The following PLCB1 variants were observed in gnomAD, a reference collection of about 807,000 sequenced individuals.
PLCB1 encodes 1-phosphatidylinositol 4,5-bisphosphate phosphodiesterase beta-1.
Under a neutral mutation model 161.8 loss-of-function variants are expected in PLCB1, and 46 were observed. The ratio of observed to expected loss-of-function variants is 0.28; its 90% CI spans 0.22 to 0.36. The LOEUF (loss-of-function observed/expected upper bound fraction) is 0.36, where lower values mean the gene tolerates loss of function less well. PLCB1 is among the 10% of genes least tolerant of loss of function. PLCB1 has a pLI of 1.00. For synonymous variants in PLCB1, 517 were observed against 503.7 expected (o/e 1.03, Z -0.35); for missense variants, 1,016 against 1,472.5 (o/e 0.69, Z 5.07).
rs574338319 is a variant in PLCB1 at position 8,607,254 on chromosome 20, A to C, written c.247-21040A>C. Among the ~76,000 whole-genome samples the C allele has an allele frequency of 9.8e-5, 15 of 152,346 alleles. No individual in the cohort carries two copies. The South Asian group carries it at 3.1e-3, about 32-fold the overall frequency. ...AACCTCCATGAAATAGACTCAGTTGAAATAGCATCTTAATTGGCTTCCTGC... is the reference window on the plus strand; with the variant it reads ...AACCTCCATGAAATAGACTCAGTTGCAATAGCATCTTAATTGGCTTCCTGC... On this transcript the variant is annotated intron_variant, in intron 3 of 31. Coordinates refer to ENST00000338037, the MANE Select transcript of PLCB1 (RefSeq NM_015192.4).
intron 3 of PLCB1, among the ~76,000 whole-genome samples, chr20:8,382,283 C>CTTTTTTTT (rs71331303): frequency 1.5e-5 from 2 of 130,556 alleles, no homozygotes; most frequent in Admixed American, 7.8e-5. Context: ...GTTTCTTTTT[C>CTTTTTTTT]TTTTTTTTTT....
intron 3 of PLCB1, among the ~76,000 whole-genome samples, chr20:8,600,543 C>T (rs1356095546): frequency 6.6e-6 from 1 of 151,038 alleles, no homozygotes; most frequent in African/African-American, 2.4e-5. Flanking sequence ...GAGGTTACTG[C>T]TGTCTTTTTG....
intron 3 of PLCB1, among the ~76,000 whole-genome samples, chr20:8,473,849 G>T (rs57592162): frequency 2.6e-5 from 4 of 152,194 alleles, no homozygotes; most frequent in Non-Finnish European, 4.4e-5. Flanking sequence ...AAAACCTGAT[G>T]CAGAACCTTA....
intron 3 of PLCB1, among the ~76,000 whole-genome samples, chr20:8,528,284 T>C (rs1490855757): frequency 1.3e-5 from 2 of 151,954 alleles, no homozygotes; most frequent in African/African-American, 4.8e-5. Context: ...AGCCAAAAAC[T>C]GAAAGCAATC....
intron 9 of PLCB1, among the ~76,000 whole-genome samples, chr20:8,664,550 A>G (rs1029215873): frequency 1.3e-5 from 2 of 152,156 alleles, no homozygotes; most frequent in Admixed American, 6.6e-5. Context: ...TGAGAGTGAT[A>G]GAAAGAGACT....
At chr20:8,301,691 C>G (rs1983920995) in intron 2 of PLCB1, among the ~76,000 whole-genome samples, 1 of 152,210 alleles carries the variant, frequency 6.6e-6, no homozygotes. Flanking sequence ...ACAGCCCAGG[C>G]TCTACTCAAC....
At chr20:8,140,892 C>T (rs879541451) in intron 1 of PLCB1, among the ~76,000 whole-genome samples, 12 of 151,972 alleles carry the variant, frequency 7.9e-5, no homozygotes, top group East Asian at 1.9e-4. Flanking sequence ...TCTGCCTCCC[C>T]GGTTCAAGCG....
intron 2 of PLCB1, among the ~76,000 whole-genome samples, chr20:8,234,602 A>C (rs1980227470): frequency 1.3e-5 from 2 of 152,164 alleles, no homozygotes; most frequent in South Asian, 4.1e-4. Context: ...ATAATATTTC[A>C]GAATGCTACC....
At chr20:8,501,415 A>G (rs1983398250) in intron 3 of PLCB1, among the ~76,000 whole-genome samples, 1 of 152,254 alleles carries the variant, frequency 6.6e-6, no homozygotes, top group Admixed American at 6.5e-5. Context: ...ACAAAGACAC[A>G]GTCTGCCCTT....
intron 3 of PLCB1, among the ~76,000 whole-genome samples, chr20:8,535,806 C>G (rs1985027112): frequency 6.6e-6 from 1 of 152,080 alleles, no homozygotes; most frequent in Admixed American, 6.6e-5. Flanking sequence ...GATGCTATTT[C>G]ATATATACAT....
chr20:8,683,031 A>G (rs1990259645), intron 9 of PLCB1, among the ~76,000 whole-genome samples: 1 of 152,146 alleles, frequency 6.6e-6, no homozygotes, highest in Non-Finnish European at 1.5e-5. Context: ...ATACTGCTAT[A>G]TTTTATGATA....
At chr20:8,696,192 A>G (rs1023738386) in intron 10 of PLCB1, among the ~76,000 whole-genome samples, 1 of 152,180 alleles carries the variant, frequency 6.6e-6, no homozygotes, top group African/African-American at 2.4e-5. Context: ...GTATGAGGTA[A>G]GGATCCAAGT....
intron 2 of PLCB1, among the ~76,000 whole-genome samples, chr20:8,232,886 A>G (rs890985124): frequency 2.6e-5 from 4 of 152,150 alleles, no homozygotes; most frequent in Non-Finnish European, 1.5e-5. Context: ...ATACCCTTCT[A>G]GCAGCTGGCG....
intron 2 of PLCB1, among the ~76,000 whole-genome samples, chr20:8,258,070 C>T (rs1981513981): frequency 6.6e-6 from 1 of 152,128 alleles, no homozygotes; most frequent in Admixed American, 6.5e-5. Context: ...CTCAAGTTTA[C>T]ACTCATTCCA....
chr20:8,429,661 T>C (rs1448262330), intron 3 of PLCB1, among the ~76,000 whole-genome samples: 8 of 151,934 alleles, frequency 5.3e-5, no homozygotes, highest in African/African-American at 1.9e-4. Flanking sequence ...AGGAGCATGA[T>C]CAGAACAATA....
intron 4 of PLCB1, among the ~76,000 whole-genome samples, chr20:8,641,531 G>A (rs1367621889): frequency 2.0e-5 from 3 of 152,146 alleles, no homozygotes; most frequent in Admixed American, 6.5e-5. Context: ...GGACTCCTAG[G>A]TAATGGGCAT....
chr20:8,863,565 A>C (rs1171365410), intron 31 of PLCB1, among the ~76,000 whole-genome samples: 1 of 152,194 alleles, frequency 6.6e-6, no homozygotes, highest in South Asian at 2.1e-4. Context: ...TGTTTCTAAC[A>C]AGATCCCAGA....
At chr20:8,404,470 G>C (rs1201689200) in intron 3 of PLCB1, among the ~76,000 whole-genome samples, 1 of 152,180 alleles carries the variant, frequency 6.6e-6, no homozygotes, top group Non-Finnish European at 1.5e-5. Flanking sequence ...ACCTAGTAGA[G>C]AGGATAAAAG....
intron 31 of PLCB1, among the ~76,000 whole-genome samples, chr20:8,814,331 A>G (rs545377911): frequency 6.6e-6 from 1 of 152,350 alleles, no homozygotes; most frequent in South Asian, 2.1e-4. Context: ...AAGCTAATTT[A>G]GTTGAGAAAC....
Sources: gnomAD v4.1 joint callset for allele counts (sites outside exome capture counted in the v4.1 genomes callset) on GRCh38, gnomAD v4.1.1 for gene constraint, MANE v1.5 for transcripts, NCBI Gene and HGNC (gene_info 2026-07-23, HGNC 2026-07-21) for gene names.